The following CUX1 variants were observed in gnomAD, a reference collection of about 807,000 sequenced individuals.
CUX1 encodes the protein cut like homeobox 1.
Under a neutral mutation model 158.8 loss-of-function variants are expected in CUX1, and 31 were observed. That is an observed-to-expected ratio of 0.20 (90% confidence interval 0.15 to 0.26). The LOEUF is 0.26. CUX1 is among the 10% of genes least tolerant of loss of function. CUX1 has a pLI of 1.00. For missense variants in CUX1, 1,589 were observed against 2,014.6 expected (o/e 0.79, Z 4.04); for synonymous variants, 879 against 862.1 (o/e 1.02, Z -0.34).
At chr7:102,239,638 C>T in intron 23 of CUX1, 54 bp downstream of exon 23, 1 of 1,576,674 alleles carries the variant, frequency 6.3e-7, no homozygotes, top group Non-Finnish European at 8.6e-7. Context: ...AGGGGCTGAT[C>T]TGTCCGGAGG....
At chr7:101,859,397 C>T (rs1797202844) in intron 1 of CUX1, among the ~76,000 whole-genome samples, 1 of 152,208 alleles carries the variant, frequency 6.6e-6, no homozygotes, top group Non-Finnish European at 1.5e-5. Flanking sequence ...TATCTTTTCT[C>T]AACAAATTGC....
rs1554539689 is a variant in CUX1, at chr7:102,250,566, C to T, written c.*1524C>T. ...AGAGAGAACGTGGCATTCTGGGCTC[C>T]CCACTCCCATCCCTGTAGAAATGGC... is the stretch of plus-strand genomic sequence containing the variant. On this transcript the variant is annotated 3_prime_UTR_variant, in exon 24 of 24. Transcript: ENST00000292535. 3 of 985,336 alleles carry T rather than the reference C, an allele frequency of 3.0e-6. No homozygotes were observed. The highest frequency in any genetic ancestry group is 1.7e-5 in the African/African-American group (1 of 57,226). The allele number at this position is 985,336 out of a possible 1,614,324, so 61.0% of individuals were successfully genotyped here.
chr7:102,123,548 G>A (rs1337750264), intron 8 of CUX1, among the ~76,000 whole-genome samples: 1 of 148,634 alleles, frequency 6.7e-6, no homozygotes. Flanking sequence ...GGCAGAGCTT[G>A]CAGTGAGCCG....
intron 8 of CUX1, among the ~76,000 whole-genome samples, chr7:102,124,113 T>G (rs1832356741): frequency 6.6e-6 from 1 of 152,206 alleles, no homozygotes; most frequent in South Asian, 2.1e-4. Context: ...AAGGTAAGCC[T>G]AGGGATCTTG....
chr7:101,919,209 T>TGG (rs201051459), intron 2 of CUX1, among the ~76,000 whole-genome samples: 3 of 151,070 alleles, frequency 2.0e-5, no homozygotes, highest in African/African-American at 4.9e-5. Flanking sequence ...TGTGTGTGTG[T>TGG]GGGGGGGGAG....
intron 23 of CUX1, among the ~76,000 whole-genome samples, chr7:102,246,089 A>G (rs951981723): frequency 6.6e-6 from 1 of 152,130 alleles, no homozygotes; most frequent in African/African-American, 2.4e-5. Flanking sequence ...CAGATATCCA[A>G]CCCAAGTGTG....
intron 1 of CUX1, among the ~76,000 whole-genome samples, chr7:101,827,329 G>A (rs943011273): frequency 7.4e-6 from 1 of 134,616 alleles, no homozygotes; most frequent in Non-Finnish European, 1.6e-5. Context: ...CTTTTCAGAC[G>A]GGGTCTCATT....
In CUX1 at chr7:101,935,723, C is replaced by T. The variant is rs1270407851; in HGVS notation, c.141+19498C>T. Among the ~76,000 whole-genome samples the T allele has an allele frequency of 5.3e-5, 8 of 152,282 alleles. No homozygotes were observed. The East Asian group carries it at 1.4e-3, about 26-fold the overall frequency. ...GCAATGGTGTGGGGCTGTCACGAGG[C>T]GTGAGGAGGCTGGGGTGGTGTTGGG... On this transcript the variant is annotated intron_variant, in intron 2 of 23. Coordinates refer to ENST00000292535, the MANE Select transcript of CUX1 (RefSeq NM_181552.4).
chr7:101,904,848 C>T (rs1349963515), intron 1 of CUX1, among the ~76,000 whole-genome samples: 6 of 152,162 alleles, frequency 3.9e-5, no homozygotes, highest in African/African-American at 9.7e-5. Flanking sequence ...GGATTACAGG[C>T]GTGAGCCACT....
At chr7:102,025,845 C>T (rs1819955846) in intron 2 of CUX1, among the ~76,000 whole-genome samples, 2 of 152,016 alleles carry the variant, frequency 1.3e-5, no homozygotes, top group South Asian at 4.2e-4. Flanking sequence ...GATCACAATA[C>T]AAAATAACGT....
chr7:101,859,056 A>G (rs776447625), intron 1 of CUX1, among the ~76,000 whole-genome samples: 9 of 152,212 alleles, frequency 5.9e-5, no homozygotes, highest in Non-Finnish European at 1.0e-4. Context: ...CTAATGATTG[A>G]AAATGGACCG....
At chr7:102,205,510 G>C (rs423452) in intron 20 of CUX1, among the ~76,000 whole-genome samples, 1 of 151,956 alleles carries the variant, frequency 6.6e-6, no homozygotes, top group Non-Finnish European at 1.5e-5. Flanking sequence ...ACGGGCACAC[G>C]TCCCTCTCCT....
intron 5 of CUX1, among the ~76,000 whole-genome samples, chr7:102,101,578 G>A (rs541922527): frequency 7.2e-5 from 11 of 152,292 alleles, no homozygotes; most frequent in South Asian, 4.1e-4. Context: ...AAGCGTTAGC[G>A]TCCAAGTGCT....
chr7:102,023,416 A>C (rs1252041147), intron 2 of CUX1, among the ~76,000 whole-genome samples: 1 of 152,180 alleles, frequency 6.6e-6, no homozygotes, highest in Non-Finnish European at 1.5e-5. Flanking sequence ...TTCTAGAAAG[A>C]CAGTAAATCG....
chr7:102,232,296 T>C (rs564339388), intron 21 of CUX1, among the ~76,000 whole-genome samples: 1 of 152,088 alleles, frequency 6.6e-6, no homozygotes, highest in African/African-American at 2.4e-5. Context: ...GCCTGGGCAA[T>C]ATAGCGAGAC....
chr7:101,961,115 C>T (rs1170987015), intron 2 of CUX1: 1 of 152,084 alleles, frequency 6.6e-6, no homozygotes, highest in Non-Finnish European at 1.5e-5. Context: ...AGTGGAGTCT[C>T]CAAGCAGAGC....
chr7:102,037,358 T>TC (rs1353220626), intron 3 of CUX1, among the ~76,000 whole-genome samples: 1 of 150,266 alleles, frequency 6.7e-6, no homozygotes, highest in South Asian at 2.1e-4. Flanking sequence ...TCTTTTCTTT[T>TC]TTTTTTTTTT....
At chr7:102,267,557 AG>A (rs1790901300) in intron 14 of CUX1, among the ~76,000 whole-genome samples, 2 of 152,194 alleles carry the variant, frequency 1.3e-5, no homozygotes, top group East Asian at 3.9e-4. Context: ...ATAAAAAGAC[AG>A]GGGCCCCTCG....
At chr7:101,848,071 A>AAAAAAAAAAAAAAAAAAAAAAAAAAT in intron 1 of CUX1, among the ~76,000 whole-genome samples, 1 of 150,536 alleles carries the variant, frequency 6.6e-6, no homozygotes, top group Admixed American at 6.7e-5. Context: ...AAAAAAAAAA[A>AAAAAAAAAAAAAAAAAAAAAAAAAAT]AAAAGAAAAG....
Sources: gnomAD v4.1 joint callset for allele counts (sites outside exome capture counted in the v4.1 genomes callset) on GRCh38, gnomAD v4.1.1 for gene constraint, MANE v1.5 for transcripts, NCBI Gene and HGNC (gene_info 2026-07-23, HGNC 2026-07-21) for gene names.